The following PTPRD variants were observed in gnomAD, a reference collection of about 807,000 sequenced individuals.
PTPRD encodes the protein protein tyrosine phosphatase receptor type D, also known as receptor-type tyrosine-protein phosphatase delta.
Under a neutral mutation model 214.5 loss-of-function variants are expected in PTPRD, and 34 were observed. That is an observed-to-expected ratio of 0.16 (90% CI 0.12 to 0.21). The LOEUF (loss-of-function observed/expected upper bound fraction) is 0.21. Ranked by LOEUF, PTPRD falls within the 10% of genes least tolerant of loss-of-function variation. PTPRD has a pLI of 1.00. For missense variants in PTPRD, 2,545 were observed against 2,398.7 expected (o/e 1.06, Z -1.27); for synonymous variants, 1,128 against 845.7 (o/e 1.33, Z -5.79).
rs150860559 is a variant in PTPRD, at chr9:8,320,096, T to C, written c.5535-130A>G. 6 of 1,112,740 alleles carry C rather than the reference T, an allele frequency of 5.4e-6. No individual in the cohort carries two copies. The Admixed American group carries it at 1.7e-4, about 31-fold the overall frequency. The allele number at this position is 1,112,740 out of a possible 1,614,324, so 68.9% of individuals were successfully genotyped here. A position where few individuals can be genotyped will look rare whatever the true frequency, so the allele number is the denominator to read the frequency against. Reference sequence around the variant, plus strand: ...CTTTATAGCCATATTCAGGAAAACATGGTATCACATTCATCAAATGATTAC... The same window carrying C: ...CTTTATAGCCATATTCAGGAAAACACGGTATCACATTCATCAAATGATTAC... On this transcript the variant is annotated intron_variant, in intron 44 of 45. Coordinates refer to ENST00000381196, the MANE Select transcript of PTPRD (RefSeq NM_002839.4).
At chr9:9,021,759 A>G (rs979902047) in intron 10 of PTPRD, among the ~76,000 whole-genome samples, 6 of 152,184 alleles carry the variant, frequency 3.9e-5, no homozygotes, top group African/African-American at 1.4e-4. Flanking sequence ...TTAGTAAAAA[A>G]AAGTTTTAAG....
At chr9:9,403,301 A>ACAAAC (rs2071679927) in intron 8 of PTPRD, among the ~76,000 whole-genome samples, 2 of 150,124 alleles carry the variant, frequency 1.3e-5, no homozygotes, top group South Asian at 2.1e-4. Flanking sequence ...AAAAAAAAAA[A>ACAAAC]AAAAAAAAAA....
chr9:8,758,028 C>T (rs1423431908), intron 11 of PTPRD, among the ~76,000 whole-genome samples: 1 of 152,154 alleles, frequency 6.6e-6, no homozygotes, highest in Non-Finnish European at 1.5e-5. Flanking sequence ...GGAGACAATT[C>T]CTGACATCTC....
intron 5 of PTPRD, among the ~76,000 whole-genome samples, chr9:9,835,701 T>C (rs974934852): frequency 5.3e-5 from 8 of 152,082 alleles, no homozygotes; most frequent in African/African-American, 1.7e-4. Flanking sequence ...AAAGTAAGTA[T>C]TTCCTGATCT....
At chr9:8,818,981 T>G (rs1016476746) in intron 11 of PTPRD, among the ~76,000 whole-genome samples, 2 of 152,200 alleles carry the variant, frequency 1.3e-5, no homozygotes, top group Admixed American at 1.3e-4. Context: ...AGTCCACTAC[T>G]AGTTGCAATG....
At chr9:9,146,833 T>C (rs1233831791) in intron 10 of PTPRD, among the ~76,000 whole-genome samples, 1 of 152,150 alleles carries the variant, frequency 6.6e-6, no homozygotes, top group Non-Finnish European at 1.5e-5. Flanking sequence ...GGAAACATAG[T>C]TTATAAATAG....
chr9:9,644,322 G>A (rs756974211), intron 7 of PTPRD, among the ~76,000 whole-genome samples: 1 of 152,034 alleles, frequency 6.6e-6, no homozygotes, highest in Admixed American at 6.6e-5. Context: ...AGGCTTTTGT[G>A]GTTTTCTGGG....
chr9:9,384,673 T>C (rs1236403734), intron 9 of PTPRD, among the ~76,000 whole-genome samples: 1 of 152,024 alleles, frequency 6.6e-6, no homozygotes, highest in East Asian at 1.9e-4. Context: ...TAACTTGTAG[T>C]TGTTGGTTGT....
At chr9:10,046,580 T>A (rs1263370142) in intron 3 of PTPRD, among the ~76,000 whole-genome samples, 3 of 151,920 alleles carry the variant, frequency 2.0e-5, no homozygotes, top group Non-Finnish European at 4.4e-5. Context: ...GATGCTTCAA[T>A]GTTTCTCACA....
chr9:8,885,042 T>C (rs1309572246), intron 11 of PTPRD, among the ~76,000 whole-genome samples: 1 of 152,206 alleles, frequency 6.6e-6, no homozygotes. Context: ...TTAGCATGAC[T>C]ATGATAGTGC....
chr9:10,013,517 A>G (rs944833944), intron 4 of PTPRD, among the ~76,000 whole-genome samples: 1 of 151,862 alleles, frequency 6.6e-6, no homozygotes, highest in Admixed American at 6.6e-5. Context: ...TTTTTTACCA[A>G]TTAATTTCAG....
At chr9:9,465,743 T>G (rs2094096059) in intron 8 of PTPRD, among the ~76,000 whole-genome samples, 1 of 152,166 alleles carries the variant, frequency 6.6e-6, no homozygotes, top group Non-Finnish European at 1.5e-5. Flanking sequence ...CCATTTAAGC[T>G]GTCATTTCTT....
intron 8 of PTPRD, among the ~76,000 whole-genome samples, chr9:9,538,698 T>C (rs1394072425): frequency 3.9e-5 from 6 of 151,948 alleles, no homozygotes; most frequent in Non-Finnish European, 7.4e-5. Flanking sequence ...CATTTTTAAA[T>C]CGATATTGAT....
rs569808633 is a variant in PTPRD, at chr9:9,159,317, G to A, written c.-143+23987C>T. Among the ~76,000 whole-genome samples, 63 of 152,234 alleles carry A rather than the reference G, an allele frequency of 4.1e-4. No homozygotes were observed. In the East Asian group the frequency reaches 0.012, roughly 29 times the overall value. On this transcript the variant is annotated intron_variant, in intron 10 of 45. Transcript: ENST00000381196. Reference sequence around the variant, plus strand: ...AAATAGCAAATAGAGACTATCTGCTGAAGACTCCACCATAAAGCTGTTAGA... The same window carrying A: ...AAATAGCAAATAGAGACTATCTGCTAAAGACTCCACCATAAAGCTGTTAGA...
At chr9:9,075,678 G>C (rs2099749995) in intron 10 of PTPRD, among the ~76,000 whole-genome samples, 1 of 152,018 alleles carries the variant, frequency 6.6e-6, no homozygotes. Flanking sequence ...TTCTGTCCTT[G>C]TGATGGTTTG....
At chr9:9,647,374 T>TG (rs1564290922) in intron 7 of PTPRD, among the ~76,000 whole-genome samples, 1 of 136,210 alleles carries the variant, frequency 7.3e-6, no homozygotes, top group Admixed American at 7.1e-5. Flanking sequence ...CAGGATAATT[T>TG]GTTTTTTTAT....
chr9:9,928,743 C>T (rs2085236874), intron 5 of PTPRD, among the ~76,000 whole-genome samples: 1 of 133,270 alleles, frequency 7.5e-6, no homozygotes, highest in Non-Finnish European at 1.5e-5. Context: ...CAGTAGCAGT[C>T]ATCTCTCTCT....
At chr9:8,928,762 A>G (rs1296114564) in intron 11 of PTPRD, among the ~76,000 whole-genome samples, 2 of 152,070 alleles carry the variant, frequency 1.3e-5, no homozygotes, top group Non-Finnish European at 1.5e-5. Flanking sequence ...AAAGCACTGA[A>G]TCTATAAATT....
In PTPRD at chr9:8,404,676, A is replaced by G; in HGVS notation, c.4087-16T>C. On this transcript the variant is annotated splice_polypyrimidine_tract_variant and intron_variant, in intron 35 of 45. Coordinates refer to ENST00000381196, the MANE Select transcript of PTPRD (RefSeq NM_002839.4). The stretch of plus-strand genomic sequence containing the variant: ...GGTCAATTGACTTTAAAAGGAAAAC[A>G]ACACATATACACAAAATCAATACTG... 1 of 1,605,342 alleles carries G rather than the reference A, an allele frequency of 6.2e-7. No individual in the cohort carries two copies. Among genetic ancestry groups the G allele is most frequent in the East Asian group, 2.2e-5 (1 of 44,534 alleles).
Sources: allele counts gnomAD v4.1 joint callset (sites outside exome capture counted in the v4.1 genomes callset), GRCh38; gene constraint gnomAD v4.1.1; transcripts MANE v1.5; gene names NCBI Gene and HGNC (gene_info 2026-07-23, HGNC 2026-07-21).